Variants in PCCB observed in about 807,000 individuals in gnomAD.
The protein encoded by PCCB is propionyl-CoA carboxylase beta chain, mitochondrial.
In PCCB, 43 loss-of-function variants were observed where a neutral mutation model predicts 60.7. That is an observed-to-expected ratio of 0.71 (90% CI 0.55 to 0.91). The LOEUF is 0.91. Among genes scored for constraint, PCCB ranks in the 40% least tolerant of loss-of-function variants. PCCB has a pLI of 0.00. For synonymous variants in PCCB, 276 were observed against 255.9 expected (o/e 1.08, Z -0.75); for missense variants, 766 against 702.8 (o/e 1.09, Z -1.02).
chr3:136,295,537 G>C (rs1388471416), intron 7 of PCCB, among the ~76,000 whole-genome samples: 1 of 152,102 alleles, frequency 6.6e-6, no homozygotes, highest in African/African-American at 2.4e-5. Flanking sequence ...ATTGTCTCAG[G>C]GCTTTATTGG....
chr3:136,298,005 G>T lies in PCCB; in HGVS notation c.817G>T (p.Asp273Tyr), dbSNP rs1468276420. The T allele has an allele frequency of 1.4e-5, 23 of 1,614,014 alleles. No homozygotes were observed. The Admixed American group carries it at 3.8e-4, about 27-fold the overall frequency. Residue 273 changes from aspartate (D) to tyrosine (Y), a missense_variant, in exon 8 of 15, where the codon GAT becomes TAT. Coordinates refer to ENST00000251654, the MANE Select transcript of PCCB (RefSeq NM_000532.5). The stretch of plus-strand genomic sequence containing the variant: ...TGTTGATGCCTTGTGTAATCTCCGG[G>T]ATTTCTTCAACTACCTGCCCCTGAG... ...NDVDALCNLRDFFNYLPLSSQ... is the reference protein window; with the variant it reads ...NDVDALCNLRYFFNYLPLSSQ...
At chr3:136,310,751 G>A (rs539670077) in intron 9 of PCCB, among the ~76,000 whole-genome samples, 21 of 152,088 alleles carry the variant, frequency 1.4e-4, no homozygotes, top group Non-Finnish European at 2.6e-4. Context: ...TTATATCTGT[G>A]GCCTACTGGG....
chr3:136,326,536 G>A (rs973225918), intron 10 of PCCB, among the ~76,000 whole-genome samples: 3 of 152,234 alleles, frequency 2.0e-5, no homozygotes, highest in Non-Finnish European at 4.4e-5. Context: ...GGCAAGGCCG[G>A]CTGTGTCTCA....
intron 14 of PCCB, 100 bp from the exon 15 acceptor site, chr3:136,329,805 A>G: frequency 7.5e-7 from 1 of 1,326,174 alleles, no homozygotes; most frequent in Non-Finnish European, 1.1e-6. Flanking sequence ...CACTGCTTAT[A>G]CTGCTGGCCC....
intron 6 of PCCB, among the ~76,000 whole-genome samples, chr3:136,284,401 A>T (rs1447665426): frequency 6.6e-6 from 1 of 152,202 alleles, no homozygotes; most frequent in Non-Finnish European, 1.5e-5. Flanking sequence ...CTTCATTTTC[A>T]GAGGTACATA....
chr3:136,287,032 G>GAA (rs767656015), intron 6 of PCCB, among the ~76,000 whole-genome samples: 1 of 132,880 alleles, frequency 7.5e-6, no homozygotes, highest in South Asian at 2.4e-4. Flanking sequence ...CTCTGTCTCG[G>GAA]AAAAAAAAAA....
At chr3:136,261,656 C>T (rs866437300) in intron 4 of PCCB, among the ~76,000 whole-genome samples, 5 of 152,162 alleles carry the variant, frequency 3.3e-5, no homozygotes, top group African/African-American at 2.4e-5. Flanking sequence ...TGCTGGAAGA[C>T]GTTACAACGT....
intron 3 of PCCB, among the ~76,000 whole-genome samples, chr3:136,258,402 A>G (rs922071710): frequency 6.6e-6 from 1 of 152,222 alleles, no homozygotes; most frequent in Non-Finnish European, 1.5e-5. Flanking sequence ...AGACAAGGGA[A>G]AATCACATCC....
chr3:136,267,039 C>T (rs760543673), intron 5 of PCCB, among the ~76,000 whole-genome samples: 5 of 152,108 alleles, frequency 3.3e-5, no homozygotes, highest in African/African-American at 9.7e-5. Context: ...CATGCCACCA[C>T]GTCCAGCTAA....
Position 136,255,851 on chromosome 3 carries a change from TG to T in PCCB, c.184-4del. 6.2e-7 allele frequency: 1 copy of T among 1,613,534 alleles called. No individual in the cohort carries two copies. The highest frequency in any genetic ancestry group is 1.1e-5 in the South Asian group (1 of 91,070). On this transcript the variant is annotated splice_polypyrimidine_tract_variant and splice_region_variant and intron_variant, in intron 1 of 14. Coordinates refer to ENST00000251654, the MANE Select transcript of PCCB (RefSeq NM_000532.5). ...CATCACTGAGTGATCTTTGTTCCAT[TG>T]TAGGGAAAGCTAACAGCCAGGGAGA...
At chr3:136,285,313 C>T (rs1355869309) in intron 6 of PCCB, among the ~76,000 whole-genome samples, 2 of 152,124 alleles carry the variant, frequency 1.3e-5, no homozygotes, top group African/African-American at 4.8e-5. Flanking sequence ...GAATATAACT[C>T]TCCACCCTTC....
chr3:136,278,354 G>T (rs1441919208), intron 5 of PCCB, among the ~76,000 whole-genome samples: 1 of 152,084 alleles, frequency 6.6e-6, no homozygotes, highest in African/African-American at 2.4e-5. Flanking sequence ...AAGGTCTGTG[G>T]ATTCTTTCAG....
intron 5 of PCCB, among the ~76,000 whole-genome samples, chr3:136,270,446 A>G (rs1475884697): frequency 6.6e-6 from 1 of 152,116 alleles, no homozygotes; most frequent in South Asian, 2.1e-4. Context: ...TGATTTCAGT[A>G]AGACAGAACA....
rs779786032 is a variant in PCCB, at chr3:136,298,049, C to A, written c.861C>A (p.Pro287=). The change falls in exon 8 of 15, where the codon CCC becomes CCA. Residue 287 remains proline (P), a synonymous_variant. Transcript: ENST00000251654. ...CCCTGAGCAGTCAGGACCCGGCTCCCGTCCGTGAGTGCCACGATCCCAGGT... is the reference window on the plus strand; with the variant it reads ...CCCTGAGCAGTCAGGACCCGGCTCCAGTCCGTGAGTGCCACGATCCCAGGT... ...YLPLSSQDPA[P]VRECHDPSDR... is the part of the protein sequence containing the mutation. The A allele has an allele frequency of 6.2e-7, 1 of 1,614,128 alleles. No homozygotes were observed. The highest frequency in any genetic ancestry group is 8.5e-7 in the Non-Finnish European group (1 of 1,179,992).
intron 10 of PCCB, among the ~76,000 whole-genome samples, chr3:136,322,604 G>A (rs768158121): frequency 6.6e-6 from 1 of 152,150 alleles, no homozygotes; most frequent in African/African-American, 2.4e-5. Flanking sequence ...TTTAAATTAT[G>A]TAGGAAATAA....
At chr3:136,289,276 CCAGTG>C (rs1187367659) in intron 6 of PCCB, among the ~76,000 whole-genome samples, 1 of 152,142 alleles carries the variant, frequency 6.6e-6, no homozygotes, top group Non-Finnish European at 1.5e-5. Flanking sequence ...ATTTCTCCTT[CCAGTG>C]CTATCAGTAT....
intron 8 of PCCB, among the ~76,000 whole-genome samples, chr3:136,298,457 G>A (rs1347164061): frequency 1.3e-5 from 2 of 152,136 alleles, no homozygotes; most frequent in Non-Finnish European, 2.9e-5. Flanking sequence ...GAAGAGCCAT[G>A]ATTCTTCTTA....
chr3:136,291,724 C>T (rs1161330864), intron 6 of PCCB, among the ~76,000 whole-genome samples: 1 of 152,160 alleles, frequency 6.6e-6, no homozygotes, highest in Non-Finnish European at 1.5e-5. Flanking sequence ...AGGCTCTTAT[C>T]ATATAGTTTT....
At chr3:136,280,615 C>T (rs1201890506) in intron 5 of PCCB, among the ~76,000 whole-genome samples, 6 of 152,172 alleles carry the variant, frequency 3.9e-5, no homozygotes, top group African/African-American at 1.4e-4. Context: ...CAAAGAGCTG[C>T]AATTACAGGC....
Sources: gnomAD v4.1 joint callset for allele counts (sites outside exome capture counted in the v4.1 genomes callset) on GRCh38, gnomAD v4.1.1 for gene constraint, MANE v1.5 for transcripts, NCBI Gene and HGNC (gene_info 2026-07-23, HGNC 2026-07-21) for gene names.